Variants in MGAT5 observed in about 807,000 individuals in gnomAD.
MGAT5 encodes the protein alpha-1,6-mannosylglycoprotein 6-beta-N-acetylglucosaminyltransferase A.
Under a neutral mutation model 94.3 loss-of-function variants are expected in MGAT5, and 30 were observed. The ratio of observed to expected loss-of-function variants is 0.32; its 90% CI spans 0.24 to 0.43. The LOEUF is 0.43. MGAT5 is among the 20% of genes least tolerant of loss of function. The pLI is 1.00. For missense variants in MGAT5, 691 were observed against 905.5 expected (o/e 0.76, Z 3.04); for synonymous variants, 310 against 322.9 (o/e 0.96, Z 0.43).
At chr2:134,385,179 G>A (rs774234411) in intron 10 of MGAT5, among the ~76,000 whole-genome samples, 5 of 152,196 alleles carry the variant, frequency 3.3e-5, no homozygotes, top group African/African-American at 4.8e-5. Context: ...TGACTTACAT[G>A]TTCTGTTTAC....
intron 1 of MGAT5, among the ~76,000 whole-genome samples, chr2:134,216,351 G>A (rs1475512639): frequency 6.6e-6 from 1 of 152,174 alleles, no homozygotes; most frequent in Non-Finnish European, 1.5e-5. Context: ...TTGATTTTCA[G>A]GTTTTGAGTG....
At chr2:134,245,369 T>C (rs1275714011) in intron 1 of MGAT5, among the ~76,000 whole-genome samples, 1 of 152,190 alleles carries the variant, frequency 6.6e-6, no homozygotes, top group East Asian at 1.9e-4. Flanking sequence ...TTCTCTCAAC[T>C]GTGAATATCG....
chr2:134,298,052 G>A (rs1685785509), intron 2 of MGAT5, among the ~76,000 whole-genome samples: 1 of 151,890 alleles, frequency 6.6e-6, no homozygotes, highest in Admixed American at 6.6e-5. Context: ...ATTTCTTTGG[G>A]TTAATGTTGA....
intron 2 of MGAT5, among the ~76,000 whole-genome samples, chr2:134,275,206 C>T (rs376842183): frequency 1.3e-5 from 2 of 152,096 alleles, no homozygotes; most frequent in Non-Finnish European, 2.9e-5. Flanking sequence ...TACTGAGAGA[C>T]GGGAGAGAGA....
chr2:134,151,356 C>T (rs1191609976), intron 1 of MGAT5, among the ~76,000 whole-genome samples: 1 of 134,076 alleles, frequency 7.5e-6, no homozygotes. Context: ...CGCCATGGGA[C>T]CTCACTCACC....
chr2:134,339,745 A>T (rs1394004047), intron 6 of MGAT5, among the ~76,000 whole-genome samples: 1 of 152,188 alleles, frequency 6.6e-6, no homozygotes, highest in Non-Finnish European at 1.5e-5. Flanking sequence ...TTATTACCAA[A>T]AACTAAAAAT....
At chr2:134,129,194 G>A (rs1685999875) in intron 1 of MGAT5, among the ~76,000 whole-genome samples, 1 of 152,154 alleles carries the variant, frequency 6.6e-6, no homozygotes, top group African/African-American at 2.4e-5. Flanking sequence ...CTAGCTTCTA[G>A]AGGCTGCCCG....
intron 1 of MGAT5, among the ~76,000 whole-genome samples, chr2:134,134,168 C>G (rs1686303771): frequency 6.6e-6 from 1 of 152,140 alleles, no homozygotes; most frequent in African/African-American, 2.4e-5. Context: ...GCATGCAATT[C>G]TTATCAACCC....
intron 9 of MGAT5, among the ~76,000 whole-genome samples, chr2:134,355,766 A>G (rs569922022): frequency 1.2e-3 from 183 of 152,314 alleles, no homozygotes; most frequent in African/African-American, 4.2e-3. Context: ...CACATTTACA[A>G]CTTCGTCTGG....
intron 10 of MGAT5, among the ~76,000 whole-genome samples, chr2:134,379,866 G>A (rs892990368): frequency 1.3e-5 from 2 of 152,234 alleles, no homozygotes; most frequent in Non-Finnish European, 2.9e-5. Context: ...GCATCTGAGA[G>A]CTGTGTTCTT....
intron 4 of MGAT5, among the ~76,000 whole-genome samples, chr2:134,328,304 C>G (rs1687762529): frequency 6.6e-6 from 1 of 152,010 alleles, no homozygotes; most frequent in South Asian, 2.1e-4. Context: ...GTAGCCAGTT[C>G]TGTACTTTGT....
At chr2:134,121,894 C>A (rs891151622) in intron 1 of MGAT5, among the ~76,000 whole-genome samples, 2 of 152,156 alleles carry the variant, frequency 1.3e-5, no homozygotes, top group Non-Finnish European at 2.9e-5. Context: ...CTAAGCCTTA[C>A]GGCTGCATCA....
rs1375145774 is a variant in MGAT5, at chr2:134,362,282, C to A, written c.1254C>A (p.Thr418=). ...PQQFYTMFPH[T]PDNSFLGFVV... ...CATTTCTTTGCACACCAGCTCATAC[C>A]CCAGACAACAGCTTTCTGGGGTTTG... The change falls in exon 10 of 16, where the codon ACC becomes ACA. Residue 418 remains threonine (T), a synonymous_variant. Coordinates refer to ENST00000281923, the MANE Select transcript of MGAT5 (RefSeq NM_002410.5). The A allele has an allele frequency of 6.2e-7, 1 of 1,613,434 alleles. No homozygotes were observed. Among genetic ancestry groups the A allele is most frequent in the East Asian group, 2.2e-5 (1 of 44,888 alleles).
chr2:134,250,550 G>T (rs189903961), upstream of MGAT5, among the ~76,000 whole-genome samples: 1 of 152,326 alleles, frequency 6.6e-6, no homozygotes, highest in East Asian at 1.9e-4. Context: ...AGAGATAGGG[G>T]TGTCTCCTGA....
intron 10 of MGAT5, among the ~76,000 whole-genome samples, chr2:134,399,834 G>T (rs573778232): frequency 4.1e-4 from 62 of 152,314 alleles, no homozygotes; most frequent in Non-Finnish European, 6.6e-4. Flanking sequence ...CAAAGTAAGG[G>T]AAGGGAAGGG....
At position 134,364,475 on chromosome 2, in the gene MGAT5, G is replaced by T. The variant is rs546618474; in HGVS notation, c.1380+2067G>T. Among the ~76,000 whole-genome samples the T allele has an allele frequency of 1.5e-3, 225 of 151,542 alleles. 1 individual carries two copies. Among genetic ancestry groups the T allele is most frequent in the African/African-American group, 5.2e-3 (216 of 41,458 alleles). ...AGACCATGCCATTGCACTCCAGCCT[G>T]GGCAACAAGAGTGAAACTCTGTCTC... On this transcript the variant is annotated intron_variant, in intron 10 of 15. Coordinates refer to ENST00000281923, the MANE Select transcript of MGAT5 (RefSeq NM_002410.5).
intron 1 of MGAT5, among the ~76,000 whole-genome samples, chr2:134,220,877 A>C (rs763312699): frequency 6.6e-6 from 1 of 152,098 alleles, no homozygotes; most frequent in African/African-American, 2.4e-5. Flanking sequence ...GATTCTGCCA[A>C]ATCTCTTTCG....
intron 11 of MGAT5, among the ~76,000 whole-genome samples, chr2:134,409,464 C>T (rs939503005): frequency 6.6e-6 from 1 of 152,208 alleles, no homozygotes; most frequent in Admixed American, 6.5e-5. Context: ...TAATCTGTCT[C>T]CAGAACCTGC....
At chr2:134,226,418 T>C (rs555936923) in intron 1 of MGAT5, among the ~76,000 whole-genome samples, 9 of 152,356 alleles carry the variant, frequency 5.9e-5, no homozygotes, top group African/African-American at 1.9e-4. Flanking sequence ...TGCCTTTTCT[T>C]AAAAACTAGA....
Sources: gnomAD v4.1 joint callset for allele counts (sites outside exome capture counted in the v4.1 genomes callset) on GRCh38, gnomAD v4.1.1 for gene constraint, MANE v1.5 for transcripts, NCBI Gene and HGNC (gene_info 2026-07-23, HGNC 2026-07-21) for gene names.